The following NF1 variants were observed in gnomAD, a reference collection of about 807,000 sequenced individuals.
NF1 encodes neurofibromin 1.
Under a neutral mutation model 325.7 loss-of-function variants are expected in NF1, and 122 were observed. The ratio of observed to expected loss-of-function variants is 0.37; its 90% confidence interval spans 0.32 to 0.44. The LOEUF (loss-of-function observed/expected upper bound fraction) is 0.44, where lower values mean the gene tolerates loss of function less well. NF1 is among the 20% of genes least tolerant of loss of function. The pLI is 1.00. For synonymous variants in NF1, 1,091 were observed against 1,186.0 expected, an observed-to-expected ratio of 0.92 and a Z score of 1.65; for missense variants, 2,140 against 3,415.4, an observed-to-expected ratio of 0.63 and a Z score of 9.31.
At chr17:31,142,638 T>C (rs1314877165) in intron 1 of NF1, among the ~76,000 whole-genome samples, 1 of 152,036 alleles carries the variant, frequency 6.6e-6, no homozygotes, top group African/African-American at 2.4e-5. Flanking sequence ...GAGGCCAAGG[T>C]GGGCAGATCA....
chr17:31,150,087 A>C (rs1916825858), intron 1 of NF1, among the ~76,000 whole-genome samples: 1 of 152,224 alleles, frequency 6.6e-6, no homozygotes, highest in Admixed American at 6.5e-5. Flanking sequence ...ATACAGGTCG[A>C]GTATCCCGTA....
chr17:31,288,557 A>G (rs1343708099), intron 36 of NF1, among the ~76,000 whole-genome samples: 28 of 134,420 alleles, frequency 2.1e-4, no homozygotes. Flanking sequence ...GGAGTGGGAG[A>G]CAGAGTCTTG....
chr17:31,254,336 T>C, intron 31 of NF1: 1 of 150,458 alleles, frequency 6.6e-6, no homozygotes, highest in East Asian at 2.0e-4. Context: ...GCTGTACATA[T>C]AAATTATCTA....
intron 51 of NF1, among the ~76,000 whole-genome samples, chr17:31,353,612 C>T (rs760778656): frequency 1.4e-4 from 21 of 152,086 alleles, no homozygotes; most frequent in East Asian, 3.9e-4. Context: ...AGTGGGACCC[C>T]GACTCCAAAC....
intron 16 of NF1, 146 bp downstream of exon 16, chr17:31,223,713 G>T: frequency 5.4e-6 from 4 of 737,478 alleles, no homozygotes; most frequent in Non-Finnish European, 8.9e-6. Context: ...GTATGCAGAG[G>T]ACAATGACTG....
chr17:31,225,099 C>A lies in NF1; in HGVS notation c.1850C>A (p.Ala617Glu), dbSNP rs1461412558. 2 of 1,613,386 alleles carry A rather than the reference C, an allele frequency of 1.2e-6. No individual in the cohort carries two copies. Among genetic ancestry groups the A allele is most frequent in the Non-Finnish European group, 1.7e-6 (2 of 1,179,584 alleles). The part of the protein sequence containing the change: ...RNKFLLKNKQ[A>E]DRSSCHFLLF... ...TATTTATTTATTTTTTTCTAGCAGG[C>A]AGATAGAAGTTCCTGTCACTTTCTC... The change falls in exon 17 of 58, where the codon GCA (alanine) becomes GAA (glutamate). Residue 617 changes from alanine to glutamate, a missense_variant. Physicochemically the swap from Ala to Glu is moderately radical, Grantham distance 107 (BLOSUM62 -1). Around this residue, in one of 10 missense-constraint regions of NF1, gnomAD observed 45 missense variants for 42.5 expected, o/e 1.06. Coordinates refer to ENST00000358273, the MANE Select transcript of NF1 (RefSeq NM_001042492.3).
At chr17:31,117,173 GT>G (rs1407773861) in intron 1 of NF1, among the ~76,000 whole-genome samples, 1 of 151,014 alleles carries the variant, frequency 6.6e-6, no homozygotes, top group African/African-American at 2.4e-5. Flanking sequence ...TAGGGATGGG[GT>G]TTCACCATAT....
intron 33 of NF1, 88 bp downstream of exon 33, chr17:31,259,217 T>C: frequency 1.1e-6 from 1 of 896,984 alleles, no homozygotes; most frequent in South Asian, 1.5e-5. Flanking sequence ...TTACATGAAG[T>C]TCCTGTGTAA....
chr17:31,145,814 T>G (rs1359370185), intron 1 of NF1, among the ~76,000 whole-genome samples: 1 of 152,146 alleles, frequency 6.6e-6, no homozygotes, highest in African/African-American at 2.4e-5. Flanking sequence ...TTCTCAGATG[T>G]CCGACATGGG....
chr17:31,267,982 T>C (rs1376252246), intron 36 of NF1, among the ~76,000 whole-genome samples: 5 of 152,212 alleles, frequency 3.3e-5, no homozygotes. Flanking sequence ...ATTTGTATTT[T>C]CTCAAGGATA....
chr17:31,332,579 T>TG (rs1167261597), intron 39 of NF1, among the ~76,000 whole-genome samples: 1 of 41,582 alleles, frequency 2.4e-5, no homozygotes, highest in African/African-American at 4.6e-5. Context: ...TCATGGTTTT[T>TG]TTTTTTTTTT....
rs887939619 is a variant in NF1 at position 31,182,442 on chromosome 17, C to T, written c.731-66C>T. On this transcript the variant is annotated intron_variant, in intron 7 of 57. Coordinates refer to ENST00000358273, the MANE Select transcript of NF1 (RefSeq NM_001042492.3). ...CCCTTGGGTTTTTACATAGTGTCAG[C>T]TTTTACTTTAATGCCAGGGATTTTG... 2.0e-6 allele frequency: 3 copies of T among 1,533,822 alleles called. No individual in the cohort carries two copies. In the African/African-American group the frequency reaches 4.1e-5, roughly 21 times the overall value.
chr17:31,336,607 T>TAA lies in NF1; in HGVS notation c.6148-18_6148-17dup, dbSNP rs33925668. 1,300 of 1,453,086 alleles carry TAA rather than the reference T, an allele frequency of 8.9e-4. No individual in the cohort carries two copies. Among genetic ancestry groups the TAA allele is most frequent in the East Asian group, 3.6e-3 (144 of 40,234 alleles). The allele number at this position is 1,453,086 out of a possible 1,614,324, so 90.0% of individuals were successfully genotyped here. On this transcript the variant is annotated intron_variant, in intron 41 of 57. Coordinates refer to ENST00000358273, the MANE Select transcript of NF1 (RefSeq NM_001042492.3). The surrounding 1 kb of genome is among the most constrained non-coding windows in gnomAD (Gnocchi z 5.5). ...ACTTTGAGTCCCATGTTTTTTTTTT[T>TAA]AAAAAAAAAAATCCTGCTTCTTTAC...
chr17:31,283,213 C>T (rs1326837094), intron 36 of NF1, among the ~76,000 whole-genome samples: 4 of 151,968 alleles, frequency 2.6e-5, no homozygotes, highest in African/African-American at 7.2e-5. Context: ...GTCAGGAGAT[C>T]GAGACCATCC....
intron 31 of NF1, among the ~76,000 whole-genome samples, chr17:31,256,531 TTGTG>T (rs2067586176): frequency 6.6e-6 from 1 of 152,172 alleles, no homozygotes; most frequent in Admixed American, 6.5e-5. Flanking sequence ...GTGAAGAATT[TTGTG>T]TGTGTGAATG....
At chr17:31,260,335 T>G in intron 33 of NF1, 34 bp from the exon 34 acceptor site, 1 of 1,607,434 alleles carries the variant, frequency 6.2e-7, no homozygotes, top group Non-Finnish European at 8.5e-7. Flanking sequence ...GTGTATCTGG[T>G]GTTGAAAATT....
At chr17:31,273,441 A>G (rs1052093407) in intron 36 of NF1, 3 of 152,230 alleles carry the variant, frequency 2.0e-5, no homozygotes, top group Non-Finnish European at 4.4e-5. Flanking sequence ...CTGAGGGTGC[A>G]TATCTAAAAA....
intron 51 of NF1, among the ~76,000 whole-genome samples, chr17:31,352,775 T>C (rs542498769): frequency 3.3e-5 from 5 of 151,678 alleles, no homozygotes; most frequent in African/African-American, 1.2e-4. Flanking sequence ...TATACTGTAA[T>C]ACTTCCCAAA....
At chr17:31,104,932 T>TAG (rs1226223069) in intron 1 of NF1, among the ~76,000 whole-genome samples, 8 of 152,208 alleles carry the variant, frequency 5.3e-5, no homozygotes, top group African/African-American at 1.9e-4. Flanking sequence ...AGAAGTGAGG[T>TAG]CTCTCTTTGT....
Sources: gnomAD v4.1 joint callset for allele counts (sites outside exome capture counted in the v4.1 genomes callset) on GRCh38, gnomAD v4.1.1 for gene constraint, gnomAD v4.1.1 regional missense constraint, Gnocchi (gnomAD v3.1) non-coding constraint, MANE v1.5 for transcripts, NCBI Gene and HGNC (gene_info 2026-07-23, HGNC 2026-07-21) for gene names.